Variants in DOCK9 observed in about 807,000 individuals in gnomAD.
DOCK9 encodes dedicator of cytokinesis 9.
DOCK9 carries 89 observed loss-of-function variants against 263.3 expected under a neutral mutation model. The observed-to-expected ratio is 0.34, with a 90% confidence interval of 0.28 to 0.40. The LOEUF (loss-of-function observed/expected upper bound fraction) is 0.40, where lower values mean the gene tolerates loss of function less well. Ranked by LOEUF, DOCK9 falls within the 10% of genes least tolerant of loss-of-function variation. DOCK9 has a pLI of 1.00. For missense variants in DOCK9, 2,140 were observed against 2,603.4 expected, an observed-to-expected ratio of 0.82 and a Z score of 3.87; for synonymous variants, 976 against 973.1, an observed-to-expected ratio of 1.00 and a Z score of -0.06.
chr13:98,969,946 G>A (rs1186173190), intron 1 of DOCK9, among the ~76,000 whole-genome samples: 1 of 152,198 alleles, frequency 6.6e-6, no homozygotes. Flanking sequence ...GGAAGAGTCA[G>A]AGAAGACTTT....
intron 49 of DOCK9, among the ~76,000 whole-genome samples, chr13:98,802,155 G>T (rs1360357516): frequency 6.6e-6 from 1 of 152,106 alleles, no homozygotes; most frequent in Non-Finnish European, 1.5e-5. Flanking sequence ...GTCAACTCCA[G>T]GTTCCCAGTC....
intron 1 of DOCK9, among the ~76,000 whole-genome samples, chr13:98,973,859 C>T (rs1334148891): frequency 6.6e-6 from 1 of 152,138 alleles, no homozygotes; most frequent in African/African-American, 2.4e-5. Flanking sequence ...GCCTCCTAAA[C>T]TGCTGGGATT....
At chr13:98,874,521 A>G (rs999846063) in intron 27 of DOCK9, among the ~76,000 whole-genome samples, 1 of 152,214 alleles carries the variant, frequency 6.6e-6, no homozygotes, top group African/African-American at 2.4e-5. Context: ...GTGGAACTGC[A>G]GGGTTGAATG....
At chr13:99,030,397 C>A (rs561424371) in intron 1 of DOCK9, among the ~76,000 whole-genome samples, 1 of 152,190 alleles carries the variant, frequency 6.6e-6, no homozygotes, top group South Asian at 2.1e-4. Flanking sequence ...ATACAGCAAG[C>A]CTAAGAACCA....
At chr13:98,996,976 C>CA (rs1881199118) in intron 1 of DOCK9, among the ~76,000 whole-genome samples, 1 of 152,176 alleles carries the variant, frequency 6.6e-6, no homozygotes, top group Non-Finnish European at 1.5e-5. Flanking sequence ...CCTCAGCTGG[C>CA]ATAACAGAAA....
At position 99,019,089 on chromosome 13, in the gene DOCK9, G is replaced by A. The variant is rs974836788; in HGVS notation, c.130-63538C>T. ...AAAGTACTGATGCATGCCACTACAC[G>A]AATGGCCCGAAAACCATTATGTGAA... On this transcript the variant is annotated intron_variant, in intron 1 of 32. Coordinates refer to the DOCK9 transcript ENST00000427887. 6.6e-5 allele frequency among the ~76,000 whole-genome samples: 10 copies of A among 152,062 alleles called. 1 individual carries two copies. The highest frequency in any genetic ancestry group is 5.9e-4 in the Admixed American group (9 of 15,266).
intron 50 of DOCK9, among the ~76,000 whole-genome samples, chr13:98,800,083 A>T (rs1398838003): frequency 1.3e-5 from 2 of 152,112 alleles, no homozygotes; most frequent in African/African-American, 4.8e-5. Context: ...CCCCACAGTC[A>T]GTCCTCATGG....
intron 1 of DOCK9, among the ~76,000 whole-genome samples, chr13:99,009,214 T>G (rs1008279920): frequency 6.6e-6 from 1 of 152,234 alleles, no homozygotes; most frequent in South Asian, 2.1e-4. Flanking sequence ...ACACATTGGC[T>G]GCACTCAAAA....
chr13:98,865,538 T>C (rs1388702358), intron 30 of DOCK9, among the ~76,000 whole-genome samples: 1 of 152,160 alleles, frequency 6.6e-6, no homozygotes, highest in African/African-American at 2.4e-5. Context: ...ATTACTCCCA[T>C]ATATCCCCCC....
intron 1 of DOCK9, among the ~76,000 whole-genome samples, chr13:99,037,734 A>G (rs202158110): frequency 9.0e-6 from 1 of 111,322 alleles, no homozygotes; most frequent in Non-Finnish European, 2.3e-5. Context: ...TCAACAAACT[A>G]ACTGACTGAT....
Position 98,794,631 on chromosome 13 carries a change from C to T in DOCK9, c.6274G>A (p.Val2092Met), listed in dbSNP as rs759679773. Residue 2092 changes from valine (V) to methionine (M), a missense_variant, in exon 53 of 53, where the codon GTG becomes ATG. Val to Met is a conservative substitution (Grantham distance 21). Coordinates refer to ENST00000682017, the MANE Select transcript of DOCK9 (RefSeq NM_001366683.2). ...ACACGGGCCATGAGATGTAATCACA[C>T]GACCGAAGACGAGCTGGTCATCCCG... ...VHGMTSSSSVV is the reference protein window; with the variant it reads ...VHGMTSSSSVM 1.4e-5 allele frequency: 23 copies of T among 1,591,656 alleles called. No homozygotes were observed. Among genetic ancestry groups the T allele is most frequent in the Admixed American group, 7.1e-5 (4 of 55,980 alleles).
At chr13:98,904,837 G>T in intron 9 of DOCK9, 131 bp from the exon 10 acceptor site, 2 of 703,610 alleles carry the variant, frequency 2.8e-6, no homozygotes, top group African/African-American at 1.8e-5. Context: ...TTGGAGAGCC[G>T]CTGTGTGTGC....
chr13:98,859,140 C>T (rs994628346), intron 33 of DOCK9: 1 of 152,218 alleles, frequency 6.6e-6, no homozygotes, highest in African/African-American at 2.4e-5. Flanking sequence ...CCACTGCAGA[C>T]AAAACCCTCT....
At chr13:98,989,322 G>C (rs1879218434) in intron 1 of DOCK9, among the ~76,000 whole-genome samples, 1 of 118,474 alleles carries the variant, frequency 8.4e-6, no homozygotes, top group African/African-American at 3.3e-5. Flanking sequence ...TAATAATGAT[G>C]ATGATGATGA....
At chr13:98,828,568 C>T (rs1489975438) in intron 43 of DOCK9, among the ~76,000 whole-genome samples, 2 of 152,096 alleles carry the variant, frequency 1.3e-5, no homozygotes, top group African/African-American at 4.8e-5. Flanking sequence ...TTTATTAATT[C>T]AAACAGTTAT....
chr13:99,027,459 C>G (rs1886882434), intron 1 of DOCK9, among the ~76,000 whole-genome samples: 1 of 152,166 alleles, frequency 6.6e-6, no homozygotes, highest in Admixed American at 6.6e-5. Context: ...AGGGCTGCAG[C>G]CAATGCGAAC....
Position 98,903,076 on chromosome 13 carries a change from A to T in DOCK9, c.1072T>A (p.Ser358Thr). The T allele has an allele frequency of 1.3e-6, 2 of 1,532,802 alleles. No individual in the cohort carries two copies. 95.0% of individuals were successfully genotyped at this position (1,532,802 alleles called of 1,614,324 possible). ...DFSSAEPEVK[S>T]FEEKFGKRIL... ...CTTTTTCCAAACTTCTCTTCAAATG[A>T]CTTCACTTCTGGCTCAGCTGATGAG... Residue 358 changes from serine to threonine, a missense_variant, in exon 11 of 53, where the codon TCA becomes ACA. Physicochemically the swap from Ser to Thr is moderately conservative, Grantham distance 58. Coordinates refer to ENST00000682017, the MANE Select transcript of DOCK9 (RefSeq NM_001366683.2).
At chr13:98,890,299 C>T (rs2026025) in intron 15 of DOCK9, among the ~76,000 whole-genome samples, 50,434 of 151,974 alleles carry the variant, frequency 0.33, 9,334 homozygotes, top group Non-Finnish European at 0.42. Context: ...GACACTAGCT[C>T]ATTCATCACC....
chr13:98,931,497 A>G (rs1345670134), intron 2 of DOCK9, among the ~76,000 whole-genome samples: 2 of 151,800 alleles, frequency 1.3e-5, no homozygotes, highest in East Asian at 3.9e-4. Context: ...ACGGGGTTTC[A>G]CCGTGTTAGC....
Sources: allele counts gnomAD v4.1 joint callset (sites outside exome capture counted in the v4.1 genomes callset), GRCh38; gene constraint gnomAD v4.1.1; transcripts MANE v1.5; gene names NCBI Gene and HGNC (gene_info 2026-07-23, HGNC 2026-07-21).